IL6R: variants seen among roughly 807,000 people sequenced by gnomAD.
IL6R encodes the protein interleukin 6 receptor.
A neutral mutation model predicts 48.3 loss-of-function variants in IL6R; 38 were observed. The ratio of observed to expected loss-of-function variants is 0.79; its 90% CI spans 0.61 to 1.03. The LOEUF (loss-of-function observed/expected upper bound fraction) is 1.03. Ranked by LOEUF, IL6R falls within the 50% of genes least tolerant of loss-of-function variation. The pLI is 0.00. For missense variants in IL6R, 534 were observed against 618.3 expected (o/e 0.86, Z 1.45); for synonymous variants, 264 against 256.2 (o/e 1.03, Z -0.29).
rs1308837940 is a variant in IL6R at position 154,405,733 on chromosome 1, C to T, written c.85+19C>T. ...GCGCAGGGTAAGGGCTTCGGGCGCA[C>T]CTGGAGGGCTGGGGCAGCTAGCGGC... is the stretch of plus-strand genomic sequence containing the variant. On this transcript the variant is annotated intron_variant, in intron 1 of 9. Transcript: ENST00000368485. This position sits in a 1 kb window ranked among gnomAD's most constrained non-coding sequence, Gnocchi z 5.2. 4.8e-6 allele frequency: 7 copies of T among 1,453,652 alleles called. No individual in the cohort carries two copies. The highest frequency in any genetic ancestry group is 6.3e-6 in the Non-Finnish European group (7 of 1,110,384). 90.0% of individuals were successfully genotyped at this position (1,453,652 alleles called of 1,614,324 possible).
chr1:154,444,293 C>T (rs1012433926), intron 6 of IL6R, among the ~76,000 whole-genome samples: 66 of 151,590 alleles, frequency 4.4e-4, no homozygotes, highest in African/African-American at 1.6e-3. Context: ...ACCGCAACCT[C>T]CACCTCCTGA....
At chr1:154,436,259 G>T in intron 6 of IL6R, 149 bp downstream of exon 6, 1 of 837,164 alleles carries the variant, frequency 1.2e-6, no homozygotes. Flanking sequence ...GGGAGGCTGA[G>T]GCGGGTGGAT....
At chr1:154,454,198 A>C in intron 8 of IL6R, 1 of 452,330 alleles carries the variant, frequency 2.2e-6, no homozygotes, top group South Asian at 2.4e-5. Context: ...GGCTAGCCAC[A>C]GGCGCTCAGA....
chr1:154,409,472 C>A (rs1466500920), intron 1 of IL6R, among the ~76,000 whole-genome samples: 1 of 152,154 alleles, frequency 6.6e-6, no homozygotes, highest in Non-Finnish European at 1.5e-5. Context: ...ACACCTTGGG[C>A]AAGTGATTTA....
chr1:154,436,878 A>G (rs1377428342), intron 6 of IL6R, among the ~76,000 whole-genome samples: 1 of 152,242 alleles, frequency 6.6e-6, no homozygotes, highest in Non-Finnish European at 1.5e-5. Context: ...GATATGAAGA[A>G]TAATTATCAC....
intron 6 of IL6R, chr1:154,445,200 G>A (rs1031721121): frequency 9.2e-6 from 4 of 434,358 alleles, no homozygotes; most frequent in African/African-American, 2.0e-5. Context: ...TAAAGGCTGC[G>A]AGGAAAGGTG....
chr1:154,465,446 A>T lies in IL6R; in HGVS notation c.*66A>T. On this transcript the variant is annotated 3_prime_UTR_variant, in exon 10 of 10. Coordinates refer to ENST00000368485, the MANE Select transcript of IL6R (RefSeq NM_000565.4). ...AAAACACAAACGGGCTCAGCAAAAG[A>T]TGCTTCTCACTGCCATGCCAGCTTA... 6.3e-7 allele frequency: 1 copy of T among 1,576,688 alleles called. No individual in the cohort carries two copies. Among genetic ancestry groups the T allele is most frequent in the Non-Finnish European group, 8.7e-7 (1 of 1,148,550 alleles).
chr1:154,446,149 G>A (rs927207334), intron 6 of IL6R, among the ~76,000 whole-genome samples: 2 of 152,236 alleles, frequency 1.3e-5, no homozygotes, highest in African/African-American at 2.4e-5. Flanking sequence ...CTATAAGTGT[G>A]TAACTGTCCT....
intron 1 of IL6R, among the ~76,000 whole-genome samples, chr1:154,415,965 CA>C (rs942333152): frequency 1.3e-5 from 2 of 149,408 alleles, no homozygotes; most frequent in African/African-American, 2.5e-5. Context: ...GACTCCATCT[CA>C]AAAAAAAATA....
intron 8 of IL6R, among the ~76,000 whole-genome samples, chr1:154,453,268 T>G (rs1474105210): frequency 6.6e-6 from 1 of 152,224 alleles, no homozygotes; most frequent in Non-Finnish European, 1.5e-5. Context: ...AAGCCAAGCA[T>G]ACTGCTTTCA....
chr1:154,439,375 C>A (rs1299515911), intron 6 of IL6R, among the ~76,000 whole-genome samples: 1 of 152,128 alleles, frequency 6.6e-6, no homozygotes, highest in Non-Finnish European at 1.5e-5. Flanking sequence ...AGTGCAGTGG[C>A]GTGATCTCAG....
intron 8 of IL6R, among the ~76,000 whole-genome samples, chr1:154,451,450 A>T (rs1408969022): frequency 6.6e-6 from 1 of 151,806 alleles, no homozygotes; most frequent in Non-Finnish European, 1.5e-5. Flanking sequence ...CCTGGGAGGC[A>T]GAGGTTGCAG....
intron 1 of IL6R, among the ~76,000 whole-genome samples, chr1:154,422,895 C>T (rs879401987): frequency 2.6e-5 from 4 of 152,148 alleles, no homozygotes; most frequent in Non-Finnish European, 5.9e-5. Context: ...CCTTTTGGCC[C>T]TTCTCTTTGG....
chr1:154,430,451 G>C (rs754295213), intron 2 of IL6R, 32 bp from the exon 3 acceptor site: 1 of 1,609,038 alleles, frequency 6.2e-7, no homozygotes, highest in East Asian at 2.2e-5. Flanking sequence ...ATCCCCGCCC[G>C]CCTGCTGACA....
chr1:154,459,331 C>T (rs527571312), intron 9 of IL6R, among the ~76,000 whole-genome samples: 1 of 152,366 alleles, frequency 6.6e-6, no homozygotes, highest in Admixed American at 6.5e-5. Context: ...AATTTATTTT[C>T]TAGCCTAGTG....
chr1:154,419,563 G>A (rs1688532783), intron 1 of IL6R, among the ~76,000 whole-genome samples: 1 of 152,178 alleles, frequency 6.6e-6, no homozygotes. Context: ...TTAGGCTGGG[G>A]GCCTCCTGTG....
rs180853955 is a variant in IL6R at position 154,465,936 on chromosome 1, C to G, written c.*556C>G. Reference sequence around the variant, plus strand: ...ACCGCCAAGGCTGGGGGAAGAAGCTCTCTCCTCCCTTTCTTCCCTACAGTT... The same window carrying G: ...ACCGCCAAGGCTGGGGGAAGAAGCTGTCTCCTCCCTTTCTTCCCTACAGTT... On this transcript the variant is annotated 3_prime_UTR_variant, in exon 10 of 10. Transcript: ENST00000368485. The G allele has an allele frequency of 3.2e-5, 5 of 156,130 alleles. No homozygotes were observed. Among genetic ancestry groups the G allele is most frequent in the South Asian group, 3.8e-4 (2 of 5,200 alleles). 9.7% of individuals were successfully genotyped at this position (156,130 alleles called of 1,614,324 possible).
intron 1 of IL6R, among the ~76,000 whole-genome samples, chr1:154,411,947 C>CTTTTT (rs1179153554): frequency 7.5e-6 from 1 of 132,658 alleles, no homozygotes; most frequent in Non-Finnish European, 1.6e-5. Context: ...TCCTAAGAGC[C>CTTTTT]TTTTTTTTTT....
In IL6R at chr1:154,434,640, G is replaced by A. The variant is rs764209461; in HGVS notation, c.580G>A (p.Val194Ile). The A allele has an allele frequency of 1.4e-5, 23 of 1,614,166 alleles. No individual in the cohort carries two copies. Among genetic ancestry groups the A allele is most frequent in the Middle Eastern group, 1.6e-4 (1 of 6,062 alleles). The change falls in exon 4 of 10, where the codon GTC (valine) becomes ATC (isoleucine). Residue 194 changes from valine (V) to isoleucine (I), a missense_variant. By Grantham distance (29) the Val-to-Ile change is conservative. Coordinates refer to ENST00000368485, the MANE Select transcript of IL6R (RefSeq NM_000565.4). ...CTCTTTCTACATAGTGTCCATGTGCGTCGCCAGTAGTGTCGGGAGCAAGTT... is the reference window on the plus strand; with the variant it reads ...CTCTTTCTACATAGTGTCCATGTGCATCGCCAGTAGTGTCGGGAGCAAGTT... Reference protein sequence around the residue: ...DSSFYIVSMCVASSVGSKFSK... With the variant: ...DSSFYIVSMCIASSVGSKFSK...
Sources: allele counts gnomAD v4.1 joint callset (sites outside exome capture counted in the v4.1 genomes callset), GRCh38; gene constraint gnomAD v4.1.1; non-coding constraint Gnocchi (gnomAD v3.1); transcripts MANE v1.5; gene names NCBI Gene and HGNC (gene_info 2026-07-23, HGNC 2026-07-21).